EDA: variants seen among roughly 807,000 people sequenced by gnomAD.
The protein encoded by EDA is ectodysplasin-A.
EDA carries 2 observed loss-of-function variants against 23.6 expected under a neutral mutation model. That is an observed-to-expected ratio of 0.08 (90% CI 0.03 to 0.27). EDA has a LOEUF of 0.27. EDA is among the 10% of genes least tolerant of loss of function. The pLI is 1.00. For missense variants in EDA, 229 were observed against 324.2 expected (o/e 0.71, Z 2.26); for synonymous variants, 131 against 132.0 (o/e 0.99, Z 0.05).
intron 1 of EDA, among the ~76,000 whole-genome samples, chrX:69,669,831 C>A (rs1218329813): frequency 9.0e-6 from 1 of 110,983 alleles, no homozygotes; most frequent in Non-Finnish European, 1.9e-5. Flanking sequence ...TACCCCATTC[C>A]CTTCTCTAAT....
chrX:69,689,049 CAATT>C (rs1602297949), intron 1 of EDA, among the ~76,000 whole-genome samples: 1 of 111,285 alleles, frequency 9.0e-6, no homozygotes, highest in Non-Finnish European at 1.9e-5. Context: ...TGTCAAAAAT[CAATT>C]GATTGTAAAC....
intron 1 of EDA, among the ~76,000 whole-genome samples, chrX:69,721,660 G>A (rs1369585413): frequency 9.0e-6 from 1 of 111,088 alleles, no homozygotes. Context: ...CACGTGGGCT[G>A]ATCTCTGTTG....
At chrX:69,726,068 A>G (rs1264728526) in intron 1 of EDA, among the ~76,000 whole-genome samples, 3 of 112,161 alleles carry the variant, frequency 2.7e-5, no homozygotes, top group Non-Finnish European at 3.8e-5. Flanking sequence ...AAGTTCAGCT[A>G]TATCCTGACA....
chrX:69,953,146 T>C (rs2018952526), intron 1 of EDA, among the ~76,000 whole-genome samples: 1 of 111,862 alleles, frequency 8.9e-6, no homozygotes, highest in Non-Finnish European at 1.9e-5. Context: ...CCACACTCAT[T>C]GCCTGTTTAT....
intron 1 of EDA, among the ~76,000 whole-genome samples, chrX:69,946,501 A>G (rs1355875334): frequency 8.9e-6 from 1 of 112,019 alleles, no homozygotes; most frequent in Non-Finnish European, 1.9e-5. Context: ...CTAGTCTACA[A>G]TGTATTTCAA....
intron 1 of EDA, among the ~76,000 whole-genome samples, chrX:69,768,531 G>A (rs1252954862): frequency 9.0e-6 from 1 of 110,507 alleles, no homozygotes; most frequent in African/African-American, 3.3e-5. Context: ...CTATTTCTCG[G>A]TTCTATTATG....
chrX:69,653,966 A>C (rs1478603795), intron 1 of EDA, among the ~76,000 whole-genome samples: 1 of 111,722 alleles, frequency 9.0e-6, no homozygotes, highest in Non-Finnish European at 1.9e-5. Context: ...TAATTAAACT[A>C]AAGAGCTTCT....
intron 2 of EDA, among the ~76,000 whole-genome samples, chrX:69,974,428 A>G (rs1015942470): frequency 2.7e-5 from 3 of 111,311 alleles, no homozygotes; most frequent in African/African-American, 9.8e-5. Context: ...TTGATTAAAG[A>G]CTTAAATATA....
intron 1 of EDA, among the ~76,000 whole-genome samples, chrX:69,807,779 G>T (rs1326443840): frequency 9.0e-6 from 1 of 110,784 alleles, no homozygotes; most frequent in Non-Finnish European, 1.9e-5. Flanking sequence ...ATCGCTAACA[G>T]AATATTTGGA....
chrX:69,892,885 G>A (rs1159695153), intron 1 of EDA, among the ~76,000 whole-genome samples: 1 of 110,962 alleles, frequency 9.0e-6, no homozygotes. Context: ...TCACGTAGCA[G>A]CCCATTTCAT....
chrX:69,804,796 A>G (rs748800719), intron 1 of EDA, among the ~76,000 whole-genome samples: 128 of 111,719 alleles, frequency 1.1e-3, no homozygotes, highest in African/African-American at 3.9e-3. Context: ...AAATAAATAT[A>G]TAGTTATTAA....
At chrX:70,001,107 GA>G (rs757438463) in intron 2 of EDA, among the ~76,000 whole-genome samples, 1 of 111,561 alleles carries the variant, frequency 9.0e-6, no homozygotes, top group Admixed American at 9.5e-5. Context: ...CCTTCTTGGG[GA>G]AAAAAATTGG....
chrX:69,801,560 C>G (rs1262560954), intron 1 of EDA, among the ~76,000 whole-genome samples: 1 of 111,326 alleles, frequency 9.0e-6, no homozygotes, highest in Non-Finnish European at 1.9e-5. Context: ...CATCAAAAAA[C>G]ATAATTAAAA....
At chrX:69,904,395 G>C (rs66881721) in intron 1 of EDA, among the ~76,000 whole-genome samples, 3,065 of 108,181 alleles carry the variant, frequency 0.028, 111 homozygotes, top group African/African-American at 0.098. Flanking sequence ...CTGTTGTCTA[G>C]ACTAGAGTGC....
intron 2 of EDA, among the ~76,000 whole-genome samples, chrX:70,002,435 A>G (rs930580266): frequency 9.0e-6 from 1 of 111,471 alleles, no homozygotes; most frequent in Non-Finnish European, 1.9e-5. Context: ...TCTCTAACTG[A>G]CGTTCTGCAG....
intron 2 of EDA, among the ~76,000 whole-genome samples, chrX:69,988,891 A>G (rs1283671620): frequency 9.0e-6 from 1 of 111,657 alleles, no homozygotes; most frequent in East Asian, 2.8e-4. Flanking sequence ...AAAATAAAAT[A>G]AAATAAAAAT....
At chrX:69,701,168 A>G (rs925343228) in intron 1 of EDA, among the ~76,000 whole-genome samples, 3 of 111,687 alleles carry the variant, frequency 2.7e-5, no homozygotes, top group Admixed American at 9.5e-5. Context: ...CTTGGCTCGT[A>G]TGAAGAGATG....
chrX:69,989,369 C>T (rs2019551051), intron 2 of EDA, among the ~76,000 whole-genome samples: 2 of 111,750 alleles, frequency 1.8e-5, no homozygotes, highest in Admixed American at 1.9e-4. Flanking sequence ...CAGGGCACAT[C>T]AGGAAGCTGA....
rs1377959043 is a variant in EDA at position 69,686,361 on chromosome X, T to C, written c.396+69657T>C. On this transcript the variant is annotated intron_variant, in intron 1 of 7. Coordinates refer to ENST00000374552, the MANE Select transcript of EDA (RefSeq NM_001399.5). ...AGAATACAATGGCCACTAATATAGG[T>C]TGGTGTCCCTGCCTTAATCCATGCA... 3.6e-5 allele frequency among the ~76,000 whole-genome samples: 4 copies of C among 111,262 alleles called. No homozygotes were observed. The Admixed American group carries it at 3.8e-4, about 11-fold the overall frequency.
Sources: allele counts gnomAD v4.1 joint callset (sites outside exome capture counted in the v4.1 genomes callset), GRCh38; gene constraint gnomAD v4.1.1; transcripts MANE v1.5; gene names NCBI Gene and HGNC (gene_info 2026-07-23, HGNC 2026-07-21).